GSK3B: variants seen among roughly 807,000 people sequenced by gnomAD.
GSK3B encodes the protein glycogen synthase kinase 3 beta.
GSK3B carries 15 observed loss-of-function variants against 56.4 expected under a neutral mutation model. The ratio of observed to expected loss-of-function variants is 0.27; its 90% CI spans 0.18 to 0.41. The LOEUF (loss-of-function observed/expected upper bound fraction) is 0.41. Among genes scored for constraint, GSK3B ranks in the 10% least tolerant of loss-of-function variants. The pLI, the probability that GSK3B is intolerant of heterozygous loss-of-function variation, is 1.00. For missense variants in GSK3B, 300 were observed against 513.4 expected (o/e 0.58, Z 4.02); for synonymous variants, 181 against 188.9 (o/e 0.96, Z 0.34).
At chr3:120,063,693 A>G (rs1387114078) in intron 1 of GSK3B, among the ~76,000 whole-genome samples, 1 of 146,902 alleles carries the variant, frequency 6.8e-6, no homozygotes, top group African/African-American at 2.6e-5. Context: ...GTGCCATTAC[A>G]CTGCAGCCTG....
At chr3:119,847,748 G>C (rs1288676111) in intron 9 of GSK3B, among the ~76,000 whole-genome samples, 1 of 152,070 alleles carries the variant, frequency 6.6e-6, no homozygotes, top group Non-Finnish European at 1.5e-5. Context: ...AAATATATTA[G>C]GTTTTCCTGT....
intron 1 of GSK3B, among the ~76,000 whole-genome samples, chr3:120,048,763 G>C (rs997101313): frequency 6.6e-6 from 1 of 152,178 alleles, no homozygotes; most frequent in African/African-American, 2.4e-5. Context: ...AACAGCTAAT[G>C]TCATTGGTAA....
intron 3 of GSK3B, among the ~76,000 whole-genome samples, chr3:119,936,100 T>C (rs1019227513): frequency 4.0e-5 from 6 of 151,876 alleles, no homozygotes; most frequent in African/African-American, 1.5e-4. Context: ...ACTATATCTA[T>C]GAAAAACCCA....
intron 4 of GSK3B, among the ~76,000 whole-genome samples, chr3:119,922,768 A>G (rs922350092): frequency 1.3e-5 from 2 of 152,122 alleles, no homozygotes; most frequent in African/African-American, 4.8e-5. Flanking sequence ...AGTTTTCACA[A>G]TGCCATAGTT....
intron 1 of GSK3B, among the ~76,000 whole-genome samples, chr3:120,055,746 G>A (rs1214752057): frequency 2.0e-5 from 3 of 152,138 alleles, no homozygotes; most frequent in Admixed American, 2.0e-4. Context: ...ATCCTAGTCA[G>A]TCAATTATTT....
chr3:119,977,535 A>G (rs560967670), intron 2 of GSK3B, among the ~76,000 whole-genome samples: 2 of 152,268 alleles, frequency 1.3e-5, no homozygotes, highest in South Asian at 4.1e-4. Context: ...TTCCTATCCA[A>G]CTTGTAGCTG....
In GSK3B at chr3:119,916,088, C is replaced by T. The variant is rs761617255; in HGVS notation, c.564G>A (p.Leu188=). The change falls in exon 5 of 11, where the codon TTG becomes TTA. Residue 188 remains leucine (L), a synonymous_variant. Coordinates refer to ENST00000264235, the MANE Select transcript of GSK3B (RefSeq NM_001146156.2). The part of the protein sequence containing the change: ...CHRDIKPQNL[L]LDPDTAVLKL... ...TTAATACAGCAGTATCAGGATCCAA[C>T]AAGAGGTTCTGCGGTTTAATATCCC... 1 of 1,613,292 alleles carries T rather than the reference C, an allele frequency of 6.2e-7. No individual in the cohort carries two copies. Among genetic ancestry groups the T allele is most frequent in the Non-Finnish European group, 8.5e-7 (1 of 1,179,412 alleles).
chr3:120,016,569 A>G (rs2057829520), intron 1 of GSK3B, among the ~76,000 whole-genome samples: 1 of 152,128 alleles, frequency 6.6e-6, no homozygotes, highest in South Asian at 2.1e-4. Flanking sequence ...AGGCCCTGAA[A>G]CCAACTTTTT....
chr3:119,859,902 C>T (rs1039863953), intron 9 of GSK3B, among the ~76,000 whole-genome samples: 1 of 152,178 alleles, frequency 6.6e-6, no homozygotes, highest in African/African-American at 2.4e-5. Context: ...CAACATGCTG[C>T]CACTCTTACT....
intron 1 of GSK3B, among the ~76,000 whole-genome samples, chr3:120,069,662 T>C (rs2058310167): frequency 9.6e-6 from 1 of 104,564 alleles, no homozygotes; most frequent in African/African-American, 8.1e-5. Context: ...AAAACAGTTT[T>C]TGGAAAAAAA....
At chr3:119,994,700 C>G (rs2057598147) in intron 2 of GSK3B, among the ~76,000 whole-genome samples, 1 of 152,044 alleles carries the variant, frequency 6.6e-6, no homozygotes, top group Admixed American at 6.5e-5. Context: ...AAACATTACA[C>G]AAACCCAAAT....
At chr3:120,041,176 G>A (rs991147873) in intron 1 of GSK3B, 7 of 177,200 alleles carry the variant, frequency 4.0e-5, no homozygotes, top group South Asian at 1.1e-4. Flanking sequence ...GCCAAACCCC[G>A]AACAGGCTAC....
Position 119,826,168 on chromosome 3 carries a change from T to C in GSK3B, c.*620A>G. On this transcript the variant is annotated 3_prime_UTR_variant, in exon 11 of 11. Coordinates refer to ENST00000264235, the MANE Select transcript of GSK3B (RefSeq NM_001146156.2). Reference sequence around the variant, plus strand: ...TCTACTAAGAATCTTCCCTGTAGAGTTCCAAACTTTATTGACCTCCCTGGG... The same window carrying C: ...TCTACTAAGAATCTTCCCTGTAGAGCTCCAAACTTTATTGACCTCCCTGGG... 1 of 255,176 alleles carries C rather than the reference T, an allele frequency of 3.9e-6. No individual in the cohort carries two copies. Among genetic ancestry groups the C allele is most frequent in the Non-Finnish European group, 7.6e-6 (1 of 132,436 alleles). 15.8% of individuals were successfully genotyped at this position (255,176 alleles called of 1,614,324 possible). A position where few individuals can be genotyped will look rare whatever the true frequency, so the allele number is the denominator to read the frequency against.
intron 1 of GSK3B, among the ~76,000 whole-genome samples, chr3:120,047,417 G>A (rs180724362): frequency 6.6e-6 from 1 of 152,206 alleles, no homozygotes; most frequent in East Asian, 1.9e-4. Context: ...TAACATTCAC[G>A]TAACCAAAGA....
At chr3:119,999,517 T>A (rs1262086080) in intron 2 of GSK3B, among the ~76,000 whole-genome samples, 1 of 152,220 alleles carries the variant, frequency 6.6e-6, no homozygotes, top group East Asian at 1.9e-4. Flanking sequence ...ATACATATAG[T>A]AAGTATCTGC....
intron 3 of GSK3B, among the ~76,000 whole-genome samples, chr3:119,942,443 C>T (rs1246655422): frequency 1.3e-5 from 2 of 152,080 alleles, no homozygotes; most frequent in Non-Finnish European, 2.9e-5. Context: ...GGATTACAGG[C>T]ACCCACCACC....
rs547773697 is a variant in GSK3B, at chr3:119,951,679, TA to T, written c.283-4329del. On this transcript the variant is annotated intron_variant, in intron 2 of 10. Transcript: ENST00000264235. ...AGGAAAAGTTGACCTATAATCAGGT[TA>T]AAAAAAAGCAGTCAACAGAAATTAA... Among the ~76,000 whole-genome samples, 608 of 151,784 alleles carry T rather than the reference TA, an allele frequency of 4.0e-3. 4 individuals carry two copies. Among genetic ancestry groups the T allele is most frequent in the African/African-American group, 0.014 (589 of 41,404 alleles).
chr3:119,968,146 G>A (rs776782186), intron 2 of GSK3B, among the ~76,000 whole-genome samples: 6 of 151,818 alleles, frequency 4.0e-5, no homozygotes, highest in East Asian at 1.9e-4. Flanking sequence ...GAGCCACCAC[G>A]TCCAGCCCAT....
intron 9 of GSK3B, among the ~76,000 whole-genome samples, chr3:119,845,908 G>A (rs1434467418): frequency 6.6e-6 from 1 of 151,526 alleles, no homozygotes; most frequent in East Asian, 1.9e-4. Flanking sequence ...AGGCTACAAG[G>A]CTACAGTCAC....
Sources: gnomAD v4.1 joint callset for allele counts (sites outside exome capture counted in the v4.1 genomes callset) on GRCh38, gnomAD v4.1.1 for gene constraint, MANE v1.5 for transcripts, NCBI Gene and HGNC (gene_info 2026-07-23, HGNC 2026-07-21) for gene names.